GNA12: variants seen among roughly 807,000 people sequenced by gnomAD.
GNA12 encodes the protein G protein subunit alpha 12.
Under a neutral mutation model 26.0 loss-of-function variants are expected in GNA12, and 9 were observed. The ratio of observed to expected loss-of-function variants is 0.35; its 90% confidence interval spans 0.21 to 0.60. The LOEUF is 0.60. GNA12 is among the 20% of genes least tolerant of loss of function. The pLI is 0.78. For synonymous variants in GNA12, 264 were observed against 219.6 expected (o/e 1.20, Z -1.79); for missense variants, 405 against 525.8 (o/e 0.77, Z 2.25).
At chr7:2,735,497 G>C (rs1790123489) in intron 2 of GNA12, among the ~76,000 whole-genome samples, 1 of 152,198 alleles carries the variant, frequency 6.6e-6, no homozygotes, top group Non-Finnish European at 1.5e-5. Flanking sequence ...AAGGGGAAAA[G>C]CACCACAGAG....
chr7:2,805,117 A>T (rs1481845644), intron 1 of GNA12, among the ~76,000 whole-genome samples: 1 of 152,208 alleles, frequency 6.6e-6, no homozygotes, highest in Non-Finnish European at 1.5e-5. Flanking sequence ...CAAAGCCTTT[A>T]AACACCGACC....
intron 1 of GNA12, among the ~76,000 whole-genome samples, chr7:2,839,473 T>C (rs1475270828): frequency 6.6e-6 from 1 of 152,144 alleles, no homozygotes; most frequent in Non-Finnish European, 1.5e-5. Context: ...AACCTATGCC[T>C]CCTAGGTTCA....
At chr7:2,771,140 A>T (rs1391474843) in intron 2 of GNA12, among the ~76,000 whole-genome samples, 1 of 152,024 alleles carries the variant, frequency 6.6e-6, no homozygotes, top group Admixed American at 6.6e-5. Context: ...AAAATACAAA[A>T]ATTAGCCAGG....
At chr7:2,784,232 C>T (rs1792304069) in intron 2 of GNA12, among the ~76,000 whole-genome samples, 1 of 152,200 alleles carries the variant, frequency 6.6e-6, no homozygotes, top group Non-Finnish European at 1.5e-5. Context: ...ATCCTCCCAC[C>T]TCGGCTTCCC....
intron 1 of GNA12, among the ~76,000 whole-genome samples, chr7:2,796,289 A>G (rs1792671401): frequency 6.6e-6 from 1 of 152,202 alleles, no homozygotes; most frequent in Non-Finnish European, 1.5e-5. Context: ...AGAGATTAAT[A>G]ATAGCTAATA....
chr7:2,750,514 GTT>G (rs1790982196), intron 2 of GNA12, among the ~76,000 whole-genome samples: 1 of 152,210 alleles, frequency 6.6e-6, no homozygotes. Context: ...CTATGGTCAA[GTT>G]TAATTGATAA....
At chr7:2,837,284 G>A (rs370346872) in intron 1 of GNA12, among the ~76,000 whole-genome samples, 9 of 152,234 alleles carry the variant, frequency 5.9e-5, no homozygotes, top group African/African-American at 1.4e-4. Context: ...AATCAGCAAC[G>A]CCCAGAGGGG....
chr7:2,743,877 G>A lies in GNA12; in HGVS notation c.526-10376C>T, dbSNP rs141438533. Among the ~76,000 whole-genome samples the A allele has an allele frequency of 5.2e-3, 795 of 152,010 alleles. 7 individuals carry two copies. Among genetic ancestry groups the A allele is most frequent in the African/African-American group, 0.018 (746 of 41,456 alleles). ...AAAACGGCACACCAGATTACATCCC[G>A]CACCTGGCTCGGAGGGTCCTACACC... On this transcript the variant is annotated intron_variant, in intron 2 of 3. Coordinates refer to ENST00000275364, the MANE Select transcript of GNA12 (RefSeq NM_007353.3).
intron 1 of GNA12, among the ~76,000 whole-genome samples, chr7:2,825,023 G>T (rs1562446878): frequency 6.6e-6 from 1 of 152,144 alleles, no homozygotes; most frequent in South Asian, 2.1e-4. Context: ...CACCTGGCTT[G>T]CCTCCTCCTA....
chr7:2,815,958 A>T (rs1793208822), intron 1 of GNA12, among the ~76,000 whole-genome samples: 1 of 152,226 alleles, frequency 6.6e-6, no homozygotes, highest in Non-Finnish European at 1.5e-5. Flanking sequence ...CATGAGAAGC[A>T]ATGGTTGACA....
In GNA12 at chr7:2,789,261, A is replaced by G. The variant is rs1284052916; in HGVS notation, c.525+5667T>C. 2.9e-5 allele frequency among the ~76,000 whole-genome samples: 4 copies of G among 139,734 alleles called. 1 individual carries two copies. Among genetic ancestry groups the G allele is most frequent in the African/African-American group, 1.1e-4 (4 of 36,364 alleles). The allele number at this position is 139,734 out of a possible 152,430, so 91.7% of individuals were successfully genotyped here. On this transcript the variant is annotated intron_variant, in intron 2 of 3. Transcript: ENST00000275364. ...CGCCATTCTCCTGCCTCAGCCTCCC[A>G]AGTAGCTGGGACTACAGGCGCCCGC...
intron 1 of GNA12, among the ~76,000 whole-genome samples, chr7:2,798,835 G>T (rs1257634638): frequency 6.6e-6 from 1 of 152,118 alleles, no homozygotes; most frequent in East Asian, 1.9e-4. Flanking sequence ...AGAACCCAGG[G>T]ATAGCCCCTG....
intron 2 of GNA12, among the ~76,000 whole-genome samples, chr7:2,736,304 T>C (rs1790172390): frequency 6.6e-6 from 1 of 152,146 alleles, no homozygotes; most frequent in South Asian, 2.1e-4. Flanking sequence ...GGATCCAAAG[T>C]GGGCTCTCGG....
intron 1 of GNA12, among the ~76,000 whole-genome samples, chr7:2,812,217 C>T (rs1793098143): frequency 6.6e-6 from 1 of 152,244 alleles, no homozygotes. Context: ...CTTAAGGACT[C>T]ACATTTGCTT....
chr7:2,778,373 G>A (rs898030220), intron 2 of GNA12, among the ~76,000 whole-genome samples: 1 of 152,180 alleles, frequency 6.6e-6, no homozygotes, highest in Non-Finnish European at 1.5e-5. Flanking sequence ...CTTATGGATT[G>A]CATCAGCCCA....
intron 2 of GNA12, among the ~76,000 whole-genome samples, chr7:2,767,910 A>G (rs1346359388): frequency 6.6e-6 from 1 of 152,214 alleles, no homozygotes. Flanking sequence ...GCTGGAGTGC[A>G]GTGGTACAAT....
intron 1 of GNA12, chr7:2,814,855 C>A (rs748721817): frequency 6.3e-7 from 1 of 1,598,374 alleles, no homozygotes. Context: ...GTGCACTGCT[C>A]CCCTCCACAG....
intron 2 of GNA12, among the ~76,000 whole-genome samples, chr7:2,736,691 C>G (rs971119858): frequency 1.3e-5 from 2 of 152,236 alleles, no homozygotes; most frequent in African/African-American, 4.8e-5. Flanking sequence ...CAGCCTTCAG[C>G]AGTTTCTGGA....
chr7:2,776,653 A>C (rs1480946387), intron 2 of GNA12, among the ~76,000 whole-genome samples: 1 of 152,212 alleles, frequency 6.6e-6, no homozygotes, highest in Non-Finnish European at 1.5e-5. Flanking sequence ...TAAGGATTAC[A>C]CATTTTTCTT....
Sources: gnomAD v4.1 joint callset for allele counts (sites outside exome capture counted in the v4.1 genomes callset) on GRCh38, gnomAD v4.1.1 for gene constraint, MANE v1.5 for transcripts, NCBI Gene and HGNC (gene_info 2026-07-23, HGNC 2026-07-21) for gene names.